CLYBL: variants seen among roughly 807,000 people sequenced by gnomAD.
The protein encoded by CLYBL is citramalyl-CoA lyase, mitochondrial.
CLYBL carries 31 observed loss-of-function variants against 38.9 expected under a neutral mutation model. The ratio of observed to expected loss-of-function variants is 0.80; its 90% CI spans 0.60 to 1.08. The LOEUF (loss-of-function observed/expected upper bound fraction) is 1.08. CLYBL is among the 50% of genes least tolerant of loss of function. CLYBL has a pLI of 0.00. For missense variants in CLYBL, 434 were observed against 411.6 expected, an observed-to-expected ratio of 1.05 and a Z score of -0.47; for synonymous variants, 171 against 158.6, an observed-to-expected ratio of 1.08 and a Z score of -0.59.
Position 99,832,327 on chromosome 13 carries a change from G to A in CLYBL, c.250-26534G>A, listed in dbSNP as rs140984373. On this transcript the variant is annotated intron_variant, in intron 2 of 8. Coordinates refer to ENST00000339105, the MANE Select transcript of CLYBL (RefSeq NM_206808.5). ...TCGTACCACTTGTTTCTCCCTCCACGTCCTCAAATGATCTCTTAAAAGAAC... is the reference window on the plus strand; with the variant it reads ...TCGTACCACTTGTTTCTCCCTCCACATCCTCAAATGATCTCTTAAAAGAAC... Among the ~76,000 whole-genome samples, 114 of 152,218 alleles carry A rather than the reference G, an allele frequency of 7.5e-4. 1 individual carries two copies. The highest frequency in any genetic ancestry group is 2.1e-3 in the African/African-American group (88 of 41,530).
At chr13:99,722,762 G>A (rs1244425488) in intron 1 of CLYBL, among the ~76,000 whole-genome samples, 1 of 152,216 alleles carries the variant, frequency 6.6e-6, no homozygotes, top group Non-Finnish European at 1.5e-5. Context: ...TTTGTTTTAA[G>A]TCCCAGAACA....
At chr13:99,703,163 G>GT (rs777195734) in intron 1 of CLYBL, among the ~76,000 whole-genome samples, 8 of 152,134 alleles carry the variant, frequency 5.3e-5, no homozygotes, top group African/African-American at 7.2e-5. Context: ...TCCAATTTGT[G>GT]TTTCCGGGGC....
chr13:99,635,200 T>G (rs2047001517), intron 1 of CLYBL, among the ~76,000 whole-genome samples: 1 of 151,854 alleles, frequency 6.6e-6, no homozygotes, highest in Admixed American at 6.6e-5. Context: ...TTTCATTAGG[T>G]CTTCGTAATG....
intron 1 of CLYBL, among the ~76,000 whole-genome samples, chr13:99,620,790 G>A (rs546377446): frequency 4.6e-5 from 5 of 108,714 alleles, no homozygotes; most frequent in Admixed American, 2.8e-4. Context: ...AAGAAAGAAA[G>A]AAAAAGAGAG....
chr13:99,616,980 AATAAT>A (rs1171817814), intron 1 of CLYBL, among the ~76,000 whole-genome samples: 18 of 151,808 alleles, frequency 1.2e-4, no homozygotes. Context: ...TAGTAATAAT[AATAAT>A]ATAATAAAGG....
At chr13:99,715,144 T>C (rs2048292938) in intron 1 of CLYBL, among the ~76,000 whole-genome samples, 1 of 152,150 alleles carries the variant, frequency 6.6e-6, no homozygotes, top group Non-Finnish European at 1.5e-5. Context: ...TCCTGTGCTC[T>C]CCAGCTTCGG....
At chr13:99,628,897 G>T (rs80079804) in intron 1 of CLYBL, among the ~76,000 whole-genome samples, 1 of 152,184 alleles carries the variant, frequency 6.6e-6, no homozygotes, top group African/African-American at 2.4e-5. Context: ...AAAGGGAGGG[G>T]CCCTTGCTAC....
intron 1 of CLYBL, among the ~76,000 whole-genome samples, chr13:99,659,936 A>G (rs985624914): frequency 6.6e-6 from 1 of 152,194 alleles, no homozygotes; most frequent in African/African-American, 2.4e-5. Flanking sequence ...TCTGGGCATA[A>G]TATCACCTGG....
chr13:99,729,053 T>C (rs576878822), intron 1 of CLYBL, among the ~76,000 whole-genome samples: 1 of 152,240 alleles, frequency 6.6e-6, no homozygotes, highest in Non-Finnish European at 1.5e-5. Context: ...GAAAGCAGAA[T>C]GGCCAGGGCC....
chr13:99,714,253 G>T lies in CLYBL; in HGVS notation c.63-58571G>T, dbSNP rs76493790. On this transcript the variant is annotated intron_variant, in intron 1 of 8. Transcript: ENST00000339105. ...AGTGCTCTTCCTGGTTGTTTGTTTC[G>T]GTTTTTATCTTTCAAGTTGATAACT... Among the ~76,000 whole-genome samples the T allele has an allele frequency of 2.5e-3, 387 of 152,052 alleles. 1 individual carries two copies. Among genetic ancestry groups the T allele is most frequent in the African/African-American group, 8.8e-3 (363 of 41,464 alleles).
intron 2 of CLYBL, among the ~76,000 whole-genome samples, chr13:99,777,739 C>T (rs777104101): frequency 6.6e-6 from 1 of 152,056 alleles, no homozygotes; most frequent in Non-Finnish European, 1.5e-5. Flanking sequence ...GTGATCTGCC[C>T]ACCTCAGCCT....
chr13:99,673,138 G>A (rs1248325867), intron 1 of CLYBL, among the ~76,000 whole-genome samples: 13 of 152,176 alleles, frequency 8.5e-5, no homozygotes, highest in Admixed American at 8.5e-4. Flanking sequence ...CAGGGGCCAG[G>A]CATGGTAGCT....
intron 7 of CLYBL, among the ~76,000 whole-genome samples, chr13:99,876,138 T>A (rs1376390061): frequency 6.9e-6 from 1 of 145,070 alleles, no homozygotes; most frequent in Non-Finnish European, 1.5e-5. Context: ...GTGTTTTTAA[T>A]AGGCCGGGTG....
chr13:99,854,498 C>G (rs1054926970), intron 2 of CLYBL, among the ~76,000 whole-genome samples: 1 of 151,502 alleles, frequency 6.6e-6, no homozygotes, highest in Non-Finnish European at 1.5e-5. Context: ...GCTGAGCTGC[C>G]GCCACGGAGC....
At chr13:99,838,341 A>AG (rs944926588) in intron 2 of CLYBL, among the ~76,000 whole-genome samples, 8 of 152,130 alleles carry the variant, frequency 5.3e-5, no homozygotes, top group Admixed American at 2.6e-4. Context: ...TGTTTGGAGG[A>AG]GGGGGGTTCT....
At chr13:99,761,538 A>C (rs2049165427) in intron 1 of CLYBL, among the ~76,000 whole-genome samples, 1 of 152,158 alleles carries the variant, frequency 6.6e-6, no homozygotes, top group Non-Finnish European at 1.5e-5. Context: ...TTTTACACAC[A>C]CACATTCACG....
At chr13:99,770,703 C>A (rs1219817122) in intron 1 of CLYBL, among the ~76,000 whole-genome samples, 1 of 152,024 alleles carries the variant, frequency 6.6e-6, no homozygotes, top group Non-Finnish European at 1.5e-5. Flanking sequence ...TGCGCCCGGC[C>A]GGGTTTTAAC....
chr13:99,843,981 G>A (rs746137001), intron 2 of CLYBL, among the ~76,000 whole-genome samples: 6 of 152,212 alleles, frequency 3.9e-5, no homozygotes, highest in East Asian at 1.9e-4. Context: ...ATGATTGTGC[G>A]GATCATGTCG....
rs138044275 is a variant in CLYBL, at chr13:99,890,084, T to C, written c.928-1234T>C. 8.0e-4 allele frequency among the ~76,000 whole-genome samples: 122 copies of C among 152,302 alleles called. No homozygotes were observed. In the East Asian group the frequency reaches 0.014, roughly 18 times the overall value. The stretch of plus-strand genomic sequence containing the variant: ...GAACACAAATAACCAGACATTAACT[T>C]TGGGTTCTGAGCATGCTGCTTTCTG... On this transcript the variant is annotated intron_variant, in intron 7 of 8. Coordinates refer to ENST00000339105, the MANE Select transcript of CLYBL (RefSeq NM_206808.5).
Sources: gnomAD v4.1 joint callset for allele counts (sites outside exome capture counted in the v4.1 genomes callset) on GRCh38, gnomAD v4.1.1 for gene constraint, MANE v1.5 for transcripts, NCBI Gene and HGNC (gene_info 2026-07-23, HGNC 2026-07-21) for gene names.